The following TWIST2 variants were observed in gnomAD, a reference collection of about 807,000 sequenced individuals.
TWIST2 encodes twist-related protein 2.
A neutral mutation model predicts 11.6 loss-of-function variants in TWIST2; 1 was observed. The observed-to-expected ratio is 0.09, with a 90% CI of 0.03 to 0.41. The LOEUF (loss-of-function observed/expected upper bound fraction) is 0.41. Among genes scored for constraint, TWIST2 ranks in the 10% least tolerant of loss-of-function variants. TWIST2 has a pLI of 0.98. For missense variants in TWIST2, 168 were observed against 226.4 expected, an observed-to-expected ratio of 0.74 and a Z score of 1.66; for synonymous variants, 87 against 96.6, an observed-to-expected ratio of 0.90 and a Z score of 0.58.
intron 1 of TWIST2, 57 bp downstream of exon 1, chr2:238,848,790 G>T: frequency 7.8e-7 from 1 of 1,284,870 alleles, no homozygotes; most frequent in South Asian, 2.3e-5. Context: ...CGGCAGGGGC[G>T]CAGGGGCATT....
At chr2:238,907,721 CACAA>C (rs1435554989) in intron 1 of TWIST2, among the ~76,000 whole-genome samples, 2 of 149,512 alleles carry the variant, frequency 1.3e-5, no homozygotes, top group Non-Finnish European at 3.0e-5. Context: ...ACAATACACA[CACAA>C]ACACACACAT....
chr2:238,889,300 T>C (rs940055207), intron 1 of TWIST2, among the ~76,000 whole-genome samples: 3 of 152,212 alleles, frequency 2.0e-5, no homozygotes, highest in African/African-American at 7.2e-5. Flanking sequence ...GGGACAAGGG[T>C]GGCCCTCCTT....
At chr2:238,854,886 A>G (rs553401268) in intron 1 of TWIST2, among the ~76,000 whole-genome samples, 2 of 152,312 alleles carry the variant, frequency 1.3e-5, no homozygotes, top group African/African-American at 4.8e-5. Context: ...TCTGTATGTG[A>G]AAATGCAAGC....
intron 1 of TWIST2, among the ~76,000 whole-genome samples, chr2:238,871,275 ACACCACATCCCACACACT>A (rs1692692597): frequency 4.3e-5 from 1 of 23,422 alleles, no homozygotes; most frequent in Non-Finnish European, 7.4e-5. Context: ...CACACACCAC[ACACCACATCCCACACACT>A]CCCCACACAC....
intron 1 of TWIST2, among the ~76,000 whole-genome samples, chr2:238,904,668 C>A (rs1693320321): frequency 6.6e-6 from 1 of 152,098 alleles, no homozygotes; most frequent in Non-Finnish European, 1.5e-5. Context: ...TGCTTACAAA[C>A]ATGCTTCTGC....
chr2:238,852,119 GCC>G, intron 1 of TWIST2, among the ~76,000 whole-genome samples: 1 of 151,768 alleles, frequency 6.6e-6, no homozygotes, highest in South Asian at 2.1e-4. Context: ...GATTCCTTTT[GCC>G]TGGCAAAAAA....
chr2:238,848,568 A>G lies in TWIST2; in HGVS notation c.353A>G (p.Tyr118Cys). ...KLAARYIDFL[Y>C]QVLQSDEMDN... ...GCCGCCAGGTACATAGACTTCCTCTACCAGGTCCTGCAGAGCGACGAGATG... is the reference window on the plus strand; with the variant it reads ...GCCGCCAGGTACATAGACTTCCTCTGCCAGGTCCTGCAGAGCGACGAGATG... Residue 118 changes from tyrosine to cysteine, a missense_variant, in exon 1 of 2, where the codon TAC becomes TGC. This residue lies in a region of TWIST2 where 62 missense variants were observed against 75.3 expected (regional missense o/e 0.82). Coordinates refer to ENST00000612363, the MANE Select transcript of TWIST2 (RefSeq NM_001271893.4). The G allele has an allele frequency of 6.3e-7, 1 of 1,584,564 alleles. No individual in the cohort carries two copies. The highest frequency in any genetic ancestry group is 2.3e-5 in the East Asian group (1 of 43,504).
chr2:238,865,630 G>T (rs1232846341), intron 1 of TWIST2, among the ~76,000 whole-genome samples: 1 of 152,022 alleles, frequency 6.6e-6, no homozygotes, highest in Non-Finnish European at 1.5e-5. Context: ...CCACATGCCT[G>T]CAGGTTGAGT....
chr2:238,879,076 C>T (rs1692858166), intron 1 of TWIST2, among the ~76,000 whole-genome samples: 1 of 152,246 alleles, frequency 6.6e-6, no homozygotes, highest in African/African-American at 2.4e-5. Context: ...CCAGCGAGCA[C>T]AAAAGGCAAG....
intron 1 of TWIST2, among the ~76,000 whole-genome samples, chr2:238,877,183 C>G (rs1399480793): frequency 6.6e-6 from 1 of 152,066 alleles, no homozygotes; most frequent in Non-Finnish European, 1.5e-5. Flanking sequence ...GGAGACAGAG[C>G]AAGATTCCAT....
chr2:238,908,332 CCA>C (rs1401688686), intron 1 of TWIST2, among the ~76,000 whole-genome samples: 3,219 of 115,012 alleles, frequency 0.028, 109 homozygotes, highest in African/African-American at 0.1. Flanking sequence ...CACACACATA[CCA>C]CACACACAAA....
intron 1 of TWIST2, among the ~76,000 whole-genome samples, chr2:238,905,852 T>TGC (rs1452934180): frequency 1.9e-3 from 84 of 43,354 alleles, no homozygotes; most frequent in Admixed American, 0.011. Flanking sequence ...TGTGTGTGTG[T>TGC]GTGCGTGTGT....
chr2:238,870,779 CACTACACACAAACCACACACCCCAT>C (rs1692672040), intron 1 of TWIST2, among the ~76,000 whole-genome samples: 1 of 39,058 alleles, frequency 2.6e-5, no homozygotes, highest in African/African-American at 1.3e-4. Flanking sequence ...ACACAGTACA[CACTACACACAAACCACACACCCCAT>C]GCACACACCA....
rs527596233 is a variant in TWIST2, at chr2:238,884,320, G to A, written c.*36-25522G>A. Among the ~76,000 whole-genome samples the A allele has an allele frequency of 6.6e-5, 10 of 152,322 alleles. No individual in the cohort carries two copies. In the South Asian group the frequency reaches 2.1e-3, roughly 32 times the overall value. ...CTCCACCTTCACCTGGAGAAGTGAG[G>A]TCCCAGTGAGGCCAAGACCAGGCCA... On this transcript the variant is annotated intron_variant, in intron 1 of 1. Transcript: ENST00000612363.
At chr2:238,865,569 C>T (rs1692515642) in intron 1 of TWIST2, among the ~76,000 whole-genome samples, 1 of 152,242 alleles carries the variant, frequency 6.6e-6, no homozygotes, top group South Asian at 2.1e-4. Flanking sequence ...GATCAAACCC[C>T]TGCCCTACTC....
At chr2:238,905,888 CGCATGCGCGT>C (rs1693336645) in intron 1 of TWIST2, among the ~76,000 whole-genome samples, 1 of 141,274 alleles carries the variant, frequency 7.1e-6, no homozygotes, top group Non-Finnish European at 1.5e-5. Context: ...TGCATGTGCG[CGCATGCGCGT>C]GTGTGCGTGT....
At chr2:238,889,441 A>G (rs1384721188) in intron 1 of TWIST2, among the ~76,000 whole-genome samples, 1 of 152,216 alleles carries the variant, frequency 6.6e-6, no homozygotes, top group Non-Finnish European at 1.5e-5. Context: ...TGTGTATAAT[A>G]TGTGTATACC....
chr2:238,874,668 A>G (rs1173544233), intron 1 of TWIST2, among the ~76,000 whole-genome samples: 4 of 152,170 alleles, frequency 2.6e-5, no homozygotes, highest in African/African-American at 9.7e-5. Flanking sequence ...GAGTTTCTCT[A>G]AAGATGCAAA....
At chr2:238,904,816 CGGAA>C (rs1693321777) in intron 1 of TWIST2, among the ~76,000 whole-genome samples, 1 of 149,574 alleles carries the variant, frequency 6.7e-6, no homozygotes, top group Non-Finnish European at 1.5e-5. Flanking sequence ...GGGAAGGAAG[CGGAA>C]GGAAGGGAGG....
Sources: allele counts gnomAD v4.1 joint callset (sites outside exome capture counted in the v4.1 genomes callset), GRCh38; gene constraint gnomAD v4.1.1; regional missense constraint gnomAD v4.1.1; transcripts MANE v1.5; gene names NCBI Gene and HGNC (gene_info 2026-07-23, HGNC 2026-07-21).